The following SLC39A9 variants were observed in gnomAD, a reference collection of about 807,000 sequenced individuals.
The protein encoded by SLC39A9 is zinc transporter ZIP9.
In SLC39A9, 14 loss-of-function variants were observed where a neutral mutation model predicts 28.4. That is an observed-to-expected ratio of 0.49 (90% CI 0.33 to 0.77). The LOEUF (loss-of-function observed/expected upper bound fraction) is 0.77. Among genes scored for constraint, SLC39A9 ranks in the 30% least tolerant of loss-of-function variants. The pLI, the probability that SLC39A9 is intolerant of heterozygous loss-of-function variation, is 0.02. For missense variants in SLC39A9, 283 were observed against 381.1 expected (o/e 0.74, Z 2.14); for synonymous variants, 119 against 149.6 (o/e 0.80, Z 1.49).
chr14:69,424,143 C>G lies in SLC39A9; in HGVS notation c.146C>G (p.Thr49Ser). Residue 49 changes from threonine (T) to serine (S), a missense_variant, in exon 2 of 7, where the codon ACT (threonine) becomes AGT (serine). Thr to Ser is a moderately conservative substitution (Grantham distance 58, BLOSUM62 1). Coordinates refer to ENST00000336643, the MANE Select transcript of SLC39A9 (RefSeq NM_018375.5). ...TTGGGTGCTGGCCTTCTCTGTGGAA[C>G]TGCTCTGGCAGTCATCGTGCCTGAA... Reference protein sequence around the residue: ...TVLGAGLLCGTALAVIVPEGV... With the variant: ...TVLGAGLLCGSALAVIVPEGV... The G allele has an allele frequency of 6.2e-7, 1 of 1,613,984 alleles. No individual in the cohort carries two copies. The highest frequency in any genetic ancestry group is 8.5e-7 in the Non-Finnish European group (1 of 1,179,876).
intron 3 of SLC39A9, among the ~76,000 whole-genome samples, chr14:69,446,398 G>C (rs1885304309): frequency 6.6e-6 from 1 of 151,488 alleles, no homozygotes; most frequent in Non-Finnish European, 1.5e-5. Flanking sequence ...TCCAGGACAG[G>C]GGCAGGGTAA....
At chr14:69,449,050 A>T (rs546951712) in intron 3 of SLC39A9, among the ~76,000 whole-genome samples, 2 of 152,330 alleles carry the variant, frequency 1.3e-5, no homozygotes, top group East Asian at 1.9e-4. Flanking sequence ...ATTAGAGTTT[A>T]AAAAAATTAT....
At chr14:69,425,573 C>T (rs1328420323) in intron 2 of SLC39A9, among the ~76,000 whole-genome samples, 4 of 152,114 alleles carry the variant, frequency 2.6e-5, no homozygotes, top group African/African-American at 9.7e-5. Context: ...GAAAGAAGTG[C>T]TTCAAGTATA....
chr14:69,443,713 TAC>T (rs757774489), intron 3 of SLC39A9, among the ~76,000 whole-genome samples: 7 of 151,800 alleles, frequency 4.6e-5, no homozygotes, highest in Admixed American at 1.3e-4. Flanking sequence ...CTACAAAAAA[TAC>T]AATAATTAGC....
chr14:69,404,744 A>C (rs1425252768), intron 1 of SLC39A9, among the ~76,000 whole-genome samples: 1 of 151,510 alleles, frequency 6.6e-6, no homozygotes, highest in Non-Finnish European at 1.5e-5. Context: ...CTTTTCCTCT[A>C]CCCTCCCTGC....
At chr14:69,436,190 G>T (rs181092856) in intron 2 of SLC39A9, among the ~76,000 whole-genome samples, 1 of 151,958 alleles carries the variant, frequency 6.6e-6, no homozygotes, top group East Asian at 2.0e-4. Context: ...GATCACTTGA[G>T]TATAGGAGTT....
chr14:69,459,269 C>G lies in SLC39A9; in HGVS notation c.*676C>G. On this transcript the variant is annotated 3_prime_UTR_variant, in exon 7 of 7. Coordinates refer to ENST00000336643, the MANE Select transcript of SLC39A9 (RefSeq NM_018375.5). ...CCTCTCTGAATCCAGCCTGCCATTC[C>G]ATCAAATGGAGCAGGAGAGGTGGGA... 1 of 985,426 alleles carries G rather than the reference C, an allele frequency of 1.0e-6. No homozygotes were observed. The highest frequency in any genetic ancestry group is 1.2e-6 in the Non-Finnish European group (1 of 829,930). 61.0% of individuals were successfully genotyped at this position (985,426 alleles called of 1,614,324 possible). A position where few individuals can be genotyped will look rare whatever the true frequency, so the allele number is the denominator to read the frequency against.
chr14:69,403,824 ATC>A (rs1391166509), intron 1 of SLC39A9, among the ~76,000 whole-genome samples: 1 of 152,054 alleles, frequency 6.6e-6, no homozygotes, highest in African/African-American at 2.4e-5. Context: ...CAGGCGAATC[ATC>A]TGAGGTCGGG....
chr14:69,428,848 C>T (rs1236405768), intron 2 of SLC39A9: 1 of 152,274 alleles, frequency 6.6e-6, no homozygotes, highest in South Asian at 2.1e-4. Flanking sequence ...TCTAGAGTGC[C>T]AATGAACCAT....
intron 2 of SLC39A9, among the ~76,000 whole-genome samples, chr14:69,435,761 C>T (rs1283810745): frequency 6.6e-6 from 1 of 151,994 alleles, no homozygotes; most frequent in African/African-American, 2.4e-5. Context: ...CAACCTCTGC[C>T]TCCCGGGTTC....
rs547746205 is a variant in SLC39A9, at chr14:69,420,655, C to CT, written c.97-3435dup. ...TACACCAATCAAACGTAGATTTGGT[C>CT]TTTTCACATAGTCCCATATTTATTG... is the stretch of plus-strand genomic sequence containing the variant. On this transcript the variant is annotated intron_variant, in intron 1 of 6. Transcript: ENST00000336643. Among the ~76,000 whole-genome samples the CT allele has an allele frequency of 1.1e-4, 16 of 152,320 alleles. No homozygotes were observed. The South Asian group carries it at 3.3e-3, about 32-fold the overall frequency.
At chr14:69,423,669 G>A (rs950010327) in intron 1 of SLC39A9, among the ~76,000 whole-genome samples, 21 of 152,086 alleles carry the variant, frequency 1.4e-4, no homozygotes, top group East Asian at 1.2e-3. Context: ...AGACCGAAGC[G>A]GGCGGATCAC....
intron 2 of SLC39A9, among the ~76,000 whole-genome samples, chr14:69,440,930 T>C (rs1885019291): frequency 6.6e-6 from 1 of 152,194 alleles, no homozygotes; most frequent in Non-Finnish European, 1.5e-5. Context: ...CCCAAAGTAC[T>C]ACGATTACAG....
chr14:69,441,756 A>G (rs533468876), intron 2 of SLC39A9: 4 of 1,036,940 alleles, frequency 3.9e-6, no homozygotes, highest in East Asian at 7.9e-5. Flanking sequence ...TTTCTCAGAT[A>G]AAGGAATATT....
chr14:69,405,605 T>C (rs1438866470), intron 1 of SLC39A9, among the ~76,000 whole-genome samples: 1 of 152,182 alleles, frequency 6.6e-6, no homozygotes, highest in Non-Finnish European at 1.5e-5. Context: ...ACGTAAATTA[T>C]AAAATTTTAA....
At chr14:69,412,441 A>G (rs990867053) in intron 1 of SLC39A9, among the ~76,000 whole-genome samples, 19 of 152,034 alleles carry the variant, frequency 1.2e-4, no homozygotes, top group African/African-American at 4.1e-4. Flanking sequence ...AAATAAATGT[A>G]TCTGCATGCC....
In SLC39A9 at chr14:69,461,430, AG is replaced by A; in HGVS notation, c.*2838del. 1 of 1,275,682 alleles carries A rather than the reference AG, an allele frequency of 7.8e-7. No individual in the cohort carries two copies. Among genetic ancestry groups the A allele is most frequent in the East Asian group, 3.1e-5 (1 of 32,176 alleles). 79.0% of individuals were successfully genotyped at this position (1,275,682 alleles called of 1,614,324 possible). ...CTATTGCCAAATTTTTTTTTAGCAAAGATTCTGCACTGGAACGTAGACAGTT... is the reference window on the plus strand; with the variant it reads ...CTATTGCCAAATTTTTTTTTAGCAAAATTCTGCACTGGAACGTAGACAGTT... On this transcript the variant is annotated 3_prime_UTR_variant, in exon 7 of 7. Coordinates refer to ENST00000336643, the MANE Select transcript of SLC39A9 (RefSeq NM_018375.5).
At chr14:69,435,466 A>G (rs755047194) in intron 2 of SLC39A9, among the ~76,000 whole-genome samples, 31 of 152,174 alleles carry the variant, frequency 2.0e-4, no homozygotes, top group Non-Finnish European at 2.5e-4. Flanking sequence ...CAGATGGCAT[A>G]TAGTTGTATC....
intron 3 of SLC39A9, among the ~76,000 whole-genome samples, chr14:69,450,198 A>G (rs1206874673): frequency 6.6e-6 from 1 of 152,006 alleles, no homozygotes; most frequent in Non-Finnish European, 1.5e-5. Flanking sequence ...CAAAATAAAA[A>G]AAAAAGGAAG....
Sources: allele counts gnomAD v4.1 joint callset (sites outside exome capture counted in the v4.1 genomes callset), GRCh38; gene constraint gnomAD v4.1.1; transcripts MANE v1.5; gene names NCBI Gene and HGNC (gene_info 2026-07-23, HGNC 2026-07-21).